Variants in EPHB2 observed in about 807,000 individuals in gnomAD.
EPHB2 encodes the protein ephrin type-B receptor 2.
Under a neutral mutation model 96.4 loss-of-function variants are expected in EPHB2, and 18 were observed. The ratio of observed to expected loss-of-function variants is 0.19; its 90% CI spans 0.13 to 0.28. The LOEUF (loss-of-function observed/expected upper bound fraction) is 0.28. Ranked by LOEUF, EPHB2 falls within the 10% of genes least tolerant of loss-of-function variation. The pLI is 1.00. For synonymous variants in EPHB2, 506 were observed against 534.1 expected, an observed-to-expected ratio of 0.95 and a Z score of 0.72; for missense variants, 989 against 1,355.4, an observed-to-expected ratio of 0.73 and a Z score of 4.25.
At chr1:22,787,521 A>C (rs1013515109) in intron 3 of EPHB2, among the ~76,000 whole-genome samples, 2 of 152,180 alleles carry the variant, frequency 1.3e-5, no homozygotes, top group African/African-American at 4.8e-5. Flanking sequence ...AGGCTGAGGC[A>C]GGAAGATTGC....
At chr1:22,721,890 A>G (rs1217012540) in intron 1 of EPHB2, among the ~76,000 whole-genome samples, 1 of 151,926 alleles carries the variant, frequency 6.6e-6, no homozygotes, top group South Asian at 2.1e-4. Flanking sequence ...TGCTGGGATT[A>G]CAGACATAAG....
chr1:22,711,934 G>C lies in EPHB2; in HGVS notation c.61+891G>C, dbSNP rs74679432. Among the ~76,000 whole-genome samples the C allele has an allele frequency of 2.1e-3, 324 of 152,356 alleles. 6 individuals carry two copies. The East Asian group carries it at 0.034, about 16-fold the overall frequency. On this transcript the variant is annotated intron_variant, in intron 1 of 15. Coordinates refer to ENST00000374630, the MANE Select transcript of EPHB2 (RefSeq NM_017449.5). ...CCAGCTTGCTCTGGAGGGAAAGTTA[G>C]TGCGGTCTGGGTGTGTCCACCAGGA...
chr1:22,910,496 T>A lies in EPHB2; in HGVS notation c.2617T>A (p.Phe873Ile), dbSNP rs201327859. ...WQKDRNHRPK[F>I]GQIVNTLDKM... Reference sequence around the variant, plus strand: ...GAAGGACCGCAACCACCGGCCCAAGTTCGGCCAAATTGTCAACACGCTAGA... The same window carrying A: ...GAAGGACCGCAACCACCGGCCCAAGATCGGCCAAATTGTCAACACGCTAGA... The change falls in exon 14 of 16, where the codon TTC becomes ATC. Residue 873 changes from phenylalanine to isoleucine, a missense_variant. Coordinates refer to ENST00000374630, the MANE Select transcript of EPHB2 (RefSeq NM_017449.5). 6.2e-7 allele frequency: 1 copy of A among 1,614,190 alleles called. No homozygotes were observed. The highest frequency in any genetic ancestry group is 1.3e-5 in the African/African-American group (1 of 75,062).
intron 3 of EPHB2, among the ~76,000 whole-genome samples, chr1:22,857,415 A>G (rs945813027): frequency 2.0e-4 from 30 of 152,070 alleles, no homozygotes; most frequent in African/African-American, 7.0e-4. Flanking sequence ...CCAAGGGGCC[A>G]GGGAGATGAA....
At chr1:22,859,296 GT>G (rs66753761) in intron 3 of EPHB2, among the ~76,000 whole-genome samples, 9,914 of 126,560 alleles carry the variant, frequency 0.078, 1,248 homozygotes, top group African/African-American at 0.28. Flanking sequence ...GGTGGGCCTG[GT>G]GGGGGGGGGG....
intron 5 of EPHB2, among the ~76,000 whole-genome samples, chr1:22,881,334 G>C (rs1639037972): frequency 6.6e-6 from 1 of 151,922 alleles, no homozygotes; most frequent in Admixed American, 6.6e-5. Flanking sequence ...GGAGGCAGAG[G>C]TTGCAGTGAG....
intron 1 of EPHB2, among the ~76,000 whole-genome samples, chr1:22,774,865 C>G (rs1644427733): frequency 6.6e-6 from 1 of 152,150 alleles, no homozygotes; most frequent in Non-Finnish European, 1.5e-5. Context: ...CATGTGGGCC[C>G]TGGGAGACAT....
chr1:22,780,827 C>T (rs985616522), intron 1 of EPHB2, among the ~76,000 whole-genome samples: 4 of 152,122 alleles, frequency 2.6e-5, no homozygotes, highest in Non-Finnish European at 5.9e-5. Flanking sequence ...TAGAGCCTGA[C>T]CATGATGTAA....
chr1:22,802,224 T>C (rs2148449010), intron 3 of EPHB2, among the ~76,000 whole-genome samples: 2 of 152,208 alleles, frequency 1.3e-5, no homozygotes, highest in African/African-American at 4.8e-5. Context: ...GATGGCCCAG[T>C]TGGGTTATTT....
chr1:22,859,754 C>T (rs1056481356), intron 3 of EPHB2, among the ~76,000 whole-genome samples: 3 of 152,156 alleles, frequency 2.0e-5, no homozygotes, highest in African/African-American at 7.2e-5. Context: ...GATTGTGCCA[C>T]TGCACTCCAG....
chr1:22,757,360 A>C (rs1448591896), intron 1 of EPHB2, among the ~76,000 whole-genome samples: 4 of 152,148 alleles, frequency 2.6e-5, no homozygotes, highest in Non-Finnish European at 5.9e-5. Flanking sequence ...AGGGTTTCCC[A>C]AAGGTGGCGG....
intron 3 of EPHB2, among the ~76,000 whole-genome samples, chr1:22,838,424 G>A (rs1645415697): frequency 6.6e-6 from 1 of 152,266 alleles, no homozygotes; most frequent in South Asian, 2.1e-4. Flanking sequence ...TTAACTGTGT[G>A]GCCCTGGGCA....
chr1:22,747,315 A>G (rs1287564208), intron 1 of EPHB2, among the ~76,000 whole-genome samples: 3 of 152,222 alleles, frequency 2.0e-5, no homozygotes, highest in Non-Finnish European at 2.9e-5. Flanking sequence ...TTTCTGTGCC[A>G]AAGCACTCTG....
At chr1:22,819,075 G>C (rs1570334952) in intron 3 of EPHB2, among the ~76,000 whole-genome samples, 1 of 152,066 alleles carries the variant, frequency 6.6e-6, no homozygotes, top group South Asian at 2.1e-4. Context: ...CATGCTGTGA[G>C]ACCTTAGGAT....
chr1:22,810,173 C>T (rs535815390), intron 3 of EPHB2, among the ~76,000 whole-genome samples: 3 of 152,082 alleles, frequency 2.0e-5, no homozygotes, highest in Non-Finnish European at 4.4e-5. Context: ...AGCTCTTGTG[C>T]GGGAGACCTG....
At chr1:22,840,950 A>T (rs548992145) in intron 3 of EPHB2, among the ~76,000 whole-genome samples, 24 of 152,332 alleles carry the variant, frequency 1.6e-4, no homozygotes, top group African/African-American at 5.8e-4. Context: ...TCTCACAGCC[A>T]GGAAGTGGTC....
chr1:22,877,261 G>A (rs1270788159), intron 5 of EPHB2, among the ~76,000 whole-genome samples: 3 of 152,218 alleles, frequency 2.0e-5, no homozygotes, highest in Non-Finnish European at 4.4e-5. Context: ...TCACACTTCC[G>A]TGCGTCCATG....
At chr1:22,883,145 T>G (rs1639106092) in intron 6 of EPHB2, among the ~76,000 whole-genome samples, 1 of 152,228 alleles carries the variant, frequency 6.6e-6, no homozygotes, top group African/African-American at 2.4e-5. Context: ...TGAACCTCAG[T>G]TTCCACCTGT....
intron 1 of EPHB2, among the ~76,000 whole-genome samples, chr1:22,746,220 A>G (rs1353935587): frequency 6.6e-6 from 1 of 152,246 alleles, no homozygotes; most frequent in Non-Finnish European, 1.5e-5. Flanking sequence ...ACATGGGGCA[A>G]CTGCATCTTT....
Sources: gnomAD v4.1 joint callset for allele counts (sites outside exome capture counted in the v4.1 genomes callset) on GRCh38, gnomAD v4.1.1 for gene constraint, MANE v1.5 for transcripts, NCBI Gene and HGNC (gene_info 2026-07-23, HGNC 2026-07-21) for gene names.